CHRNE: variants seen among roughly 807,000 people sequenced by gnomAD.
CHRNE encodes cholinergic receptor nicotinic epsilon subunit.
In CHRNE, 58 loss-of-function variants were observed where a neutral mutation model predicts 56.5. The ratio of observed to expected loss-of-function variants is 1.03; its 90% CI spans 0.83 to 1.28. The LOEUF is 1.28. CHRNE is among the 50% of genes most tolerant of loss of function. The probability of loss-of-function intolerance (pLI) is 0.00; values close to 1 mark genes in which losing one functional copy is unlikely to be tolerated. For synonymous variants in CHRNE, 385 were observed against 297.9 expected (o/e 1.29, Z -3.01); for missense variants, 793 against 688.9 (o/e 1.15, Z -1.69).
At position 4,901,891 on chromosome 17, in the gene CHRNE, C is replaced by A. The variant is rs59963145; in HGVS notation, c.500+41G>T. On this transcript the variant is annotated intron_variant, in intron 5 of 11. Transcript: ENST00000649488. ...TTGGCCCCGCCCCATAAGGCCCCCC[C>A]CCAACAATAATCGTCCGGGCCTCGG... is the stretch of plus-strand genomic sequence containing the variant. The A allele has an allele frequency of 4.8e-3, 7,743 of 1,606,316 alleles. 309 individuals are homozygous for A. The African/African-American group carries it at 0.078, about 16-fold the overall frequency.
upstream of CHRNE, among the ~76,000 whole-genome samples, chr17:4,906,738 T>C (rs1970096815): frequency 6.6e-6 from 1 of 151,652 alleles, no homozygotes; most frequent in African/African-American, 2.4e-5. Context: ...GCCAAGATCA[T>C]GCCACTGCAT....
At position 4,900,682 on chromosome 17, in the gene CHRNE, A is replaced by G. The variant is rs1044057628; in HGVS notation, c.917+111T>C. 6.2e-6 allele frequency: 9 copies of G among 1,457,138 alleles called. No homozygotes were observed. The East Asian group carries it at 2.2e-4, about 36-fold the overall frequency. 90.3% of individuals were successfully genotyped at this position (1,457,138 alleles called of 1,614,324 possible). A position where few individuals can be genotyped will look rare whatever the true frequency, so the allele number is the denominator to read the frequency against. ...CGTACCAGCCCCACCCAGCGTCCGAATAAAGCCCAGGGCGGGGCGAGACAG... is the reference window on the plus strand; with the variant it reads ...CGTACCAGCCCCACCCAGCGTCCGAGTAAAGCCCAGGGCGGGGCGAGACAG... On this transcript the variant is annotated intron_variant, in intron 8 of 11. Transcript: ENST00000649488.
Position 4,898,763 on chromosome 17 carries a change from G to A in CHRNE, c.1455C>T (p.Leu485=), listed in dbSNP as rs369916656. ...AAGGCTGGATACACGGCGCGTAGGGGAGATCAGGCACTCGGTTGAAGTAGG... is the reference window on the plus strand; with the variant it reads ...AAGGCTGGATACACGGCGCGTAGGGAAGATCAGGCACTCGGTTGAAGTAGG... ...LGAYFNRVPD[L]PYAPCIQP Residue 485 remains leucine, a synonymous_variant, in exon 12 of 12, where the codon CTC becomes CTT. Coordinates refer to ENST00000649488, the MANE Select transcript of CHRNE (RefSeq NM_000080.4). The A allele has an allele frequency of 1.1e-5, 17 of 1,611,244 alleles. No individual in the cohort carries two copies. In the Middle Eastern group the frequency reaches 5.0e-4, roughly 47 times the overall value.
intron 5 of CHRNE, 41 bp downstream of exon 5, chr17:4,901,891 C>CCA (rs1555546937): frequency 1.4e-5 from 22 of 1,606,202 alleles, no homozygotes; most frequent in African/African-American, 2.7e-5. Context: ...AAGGCCCCCC[C>CCA]CCAACAATAA....
Position 4,899,207 on chromosome 17 carries a change from T to G in CHRNE, c.1210A>C (p.Thr404Pro). 5.6e-6 allele frequency: 9 copies of G among 1,604,508 alleles called. No individual in the cohort carries two copies. Among genetic ancestry groups the G allele is most frequent in the Non-Finnish European group, 7.6e-6 (9 of 1,177,874 alleles). The change falls in exon 10 of 12, where the codon ACC becomes CCC. Residue 404 changes from threonine (T) to proline (P), a missense_variant. Transcript: ENST00000649488. ...VFEGQRHRQG[T>P]WTAAFCQSLG... is the part of the protein sequence containing the mutation. ...GGGCCACTGTGCTCACCCGTCCAGG[T>G]CCCCTGCCGGTGCCTCTGCCCCTCA...
intron 10 of CHRNE, 34 bp downstream of exon 10, chr17:4,899,164 G>A (rs774805134): frequency 2.0e-5 from 32 of 1,592,746 alleles, no homozygotes; most frequent in Non-Finnish European, 2.5e-5. Context: ...CAGGCACCCC[G>A]CGCGGCCCCC....
chr17:4,898,474 C>A lies in CHRNE; in HGVS notation c.*262G>T. On this transcript the variant is annotated 3_prime_UTR_variant, in exon 12 of 12. Transcript: ENST00000649488. ...CTGAGCCTTAGAAAGGCTGGGAGGT[C>A]AGCAAGGCTGAATGAAGGGCAGTCC... is the stretch of plus-strand genomic sequence containing the variant. The A allele has an allele frequency of 1.8e-6, 1 of 550,040 alleles. No homozygotes were observed. The highest frequency in any genetic ancestry group is 3.3e-6 in the Non-Finnish European group (1 of 305,784). The allele number at this position is 550,040 out of a possible 1,614,324, so 34.1% of individuals were successfully genotyped here.
rs532120320 is a variant in CHRNE, at chr17:4,899,200, G to T, written c.1217C>A (p.Thr406Lys). 9 of 1,603,548 alleles carry T rather than the reference G, an allele frequency of 5.6e-6. No individual in the cohort carries two copies. Among genetic ancestry groups the T allele is most frequent in the Non-Finnish European group, 5.9e-6 (7 of 1,177,364 alleles). Residue 406 changes from threonine to lysine, a missense_variant and splice_region_variant, in exon 10 of 12, where the codon ACG becomes AAG. Transcript: ENST00000649488. ...CGGGCCAGGGCCACTGTGCTCACCC[G>T]TCCAGGTCCCCTGCCGGTGCCTCTG... ...EGQRHRQGTW[T>K]AAFCQSLGAA... is the part of the protein sequence containing the mutation.
rs756521709 is a variant in CHRNE, at chr17:4,902,534, G to A, written c.190-40C>T. The A allele has an allele frequency of 3.1e-6, 5 of 1,614,128 alleles. No individual in the cohort carries two copies. Among genetic ancestry groups the A allele is most frequent in the Non-Finnish European group, 4.2e-6 (5 of 1,180,008 alleles). On this transcript the variant is annotated intron_variant, in intron 2 of 11. Transcript: ENST00000649488. The surrounding 1 kb of genome is among the most constrained non-coding windows in gnomAD (Gnocchi z 4.0). ...TGGGGATGATTGAAGTGAGATTTCA[G>A]GGCCAGAAGTGAGCTTTAGGACAGA...
upstream of CHRNE, among the ~76,000 whole-genome samples, chr17:4,907,115 T>A (rs530150401): frequency 1.7e-4 from 26 of 152,092 alleles, no homozygotes; most frequent in Admixed American, 3.9e-4. Flanking sequence ...GAATAAGACC[T>A]ACTATTTGAT....
At chr17:4,904,812 C>T (rs1414953448), upstream of CHRNE, among the ~76,000 whole-genome samples, 3 of 152,198 alleles carry the variant, frequency 2.0e-5, no homozygotes, top group Non-Finnish European at 1.5e-5. Context: ...CAAGCGAGGA[C>T]ACATCAAATA....
At chr17:4,900,628 G>C in intron 8 of CHRNE, 165 bp downstream of exon 8, 1 of 1,489,892 alleles carries the variant, frequency 6.7e-7, no homozygotes, top group Non-Finnish European at 9.1e-7. Flanking sequence ...GCAGCAGTGA[G>C]GAGGACGGCG....
At chr17:4,900,273 C>A (rs1272221846) in intron 8 of CHRNE, 1 of 1,545,820 alleles carries the variant, frequency 6.5e-7, no homozygotes, top group Non-Finnish European at 8.7e-7. Flanking sequence ...GGCGCGGCGA[C>A]TAGACGGCAG....
chr17:4,900,778 G>GGC lies in CHRNE; in HGVS notation c.917+14_917+15insGC, dbSNP rs1567638303. The GGC allele has an allele frequency of 1.9e-6, 3 of 1,608,942 alleles. No individual in the cohort carries two copies. The highest frequency in any genetic ancestry group is 2.5e-6 in the Non-Finnish European group (3 of 1,177,214). ...CTTCACACTGGCCACACCCCCGCGG[G>GGC]GGCTCCGGCTTCACCTGCCCAGGAG... On this transcript the variant is annotated intron_variant, in intron 8 of 11. Transcript: ENST00000649488.
upstream of CHRNE, among the ~76,000 whole-genome samples, chr17:4,907,590 A>AAAAAAAAAAAT (rs386627263): frequency 8.0e-6 from 1 of 124,918 alleles, no homozygotes. Flanking sequence ...AAAAAAAAAA[A>AAAAAAAAAAAT]CACTCTCAGC....
intron 8 of CHRNE, chr17:4,900,514 C>T (rs1214916485): frequency 6.4e-7 from 1 of 1,550,860 alleles, no homozygotes. Context: ...CCGGTGAGCT[C>T]AGGACACGGG....
At chr17:4,899,167 C>T (rs1969845308) in intron 10 of CHRNE, 31 bp downstream of exon 10, 4 of 1,591,878 alleles carry the variant, frequency 2.5e-6, no homozygotes, top group East Asian at 2.3e-5. Context: ...GCACCCCGCG[C>T]GGCCCCCCGG....
chr17:4,906,572 A>G (rs541870887), upstream of CHRNE, among the ~76,000 whole-genome samples: 125 of 152,270 alleles, frequency 8.2e-4, 2 homozygotes, highest in Non-Finnish European at 1.3e-3. Flanking sequence ...AATGCCAAAC[A>G]GGTATAAGAA....
At position 4,902,334 on chromosome 17, in the gene CHRNE, G is replaced by T. The variant is rs374325420; in HGVS notation, c.235-8C>A. 3.7e-6 allele frequency: 6 copies of T among 1,614,002 alleles called. No individual in the cohort carries two copies. The highest frequency in any genetic ancestry group is 1.3e-5 in the African/African-American group (1 of 74,926). On this transcript the variant is annotated splice_polypyrimidine_tract_variant and splice_region_variant and intron_variant, in intron 3 of 11. Transcript: ENST00000649488. The surrounding 1 kb of genome is among the most constrained non-coding windows in gnomAD (Gnocchi z 4.0). The stretch of plus-strand genomic sequence containing the variant: ...TCGGTAATCCTGCCAATCCTAAGGG[G>T]TGGGGGATGGAAGGCCGCGTGCCCT...
Sources: gnomAD v4.1 joint callset for allele counts (sites outside exome capture counted in the v4.1 genomes callset) on GRCh38, gnomAD v4.1.1 for gene constraint, Gnocchi (gnomAD v3.1) non-coding constraint, MANE v1.5 for transcripts, NCBI Gene and HGNC (gene_info 2026-07-23, HGNC 2026-07-21) for gene names.